Variants in CHORDC1 observed in about 807,000 individuals in gnomAD.
The protein encoded by CHORDC1 is cysteine and histidine-rich domain-containing protein 1.
Under a neutral mutation model 48.3 loss-of-function variants are expected in CHORDC1, and 25 were observed. The ratio of observed to expected loss-of-function variants is 0.52; its 90% CI spans 0.38 to 0.72. The LOEUF (loss-of-function observed/expected upper bound fraction) is 0.72. CHORDC1 is among the 30% of genes least tolerant of loss of function. The pLI is 0.00. For synonymous variants in CHORDC1, 128 were observed against 126.4 expected, an observed-to-expected ratio of 1.01 and a Z score of -0.09; for missense variants, 317 against 388.7, an observed-to-expected ratio of 0.82 and a Z score of 1.55.
intron 2 of CHORDC1, among the ~76,000 whole-genome samples, chr11:90,216,207 G>C (rs925057456): frequency 8.6e-5 from 13 of 152,026 alleles, no homozygotes; most frequent in Non-Finnish European, 1.5e-4. Context: ...AAGTTTTACT[G>C]TCTTAATCAT....
At chr11:90,222,778 C>A (rs748694348) in intron 1 of CHORDC1, 113 bp downstream of exon 1, 35 of 996,010 alleles carry the variant, frequency 3.5e-5, no homozygotes, top group African/African-American at 2.7e-4. Context: ...GGGGCATGGA[C>A]CTGGGGCCGC....
chr11:90,212,883 A>G (rs1857909585), intron 4 of CHORDC1: 2 of 152,046 alleles, frequency 1.3e-5, no homozygotes, highest in Non-Finnish European at 1.5e-5. Flanking sequence ...TAGGCTTCTC[A>G]AAGTGCTGGA....
chr11:90,221,081 C>CCA (rs1368330152), intron 1 of CHORDC1, among the ~76,000 whole-genome samples: 2 of 151,810 alleles, frequency 1.3e-5, no homozygotes, highest in Non-Finnish European at 2.9e-5. Flanking sequence ...GGTAATTATG[C>CCA]CACAGCACCG....
chr11:90,217,895 CAAAAAA>C (rs71055891), intron 2 of CHORDC1: 3 of 176,158 alleles, frequency 1.7e-5, no homozygotes, highest in Admixed American at 7.3e-5. Context: ...AACTCCATCT[CAAAAAA>C]AAAAAAAAAA....
At position 90,206,831 on chromosome 11, in the gene CHORDC1, A is replaced by G. The variant is rs772339569; in HGVS notation, c.493-559T>C. 1.5e-5 allele frequency: 18 copies of G among 1,215,012 alleles called. No individual in the cohort carries two copies. The South Asian group carries it at 2.2e-4, about 15-fold the overall frequency. 75.3% of individuals were successfully genotyped at this position (1,215,012 alleles called of 1,614,324 possible). ...AGGCTCTACAGATGAATTCACAAAA[A>G]ATTATGTTAATAAAACATGGATGTA... On this transcript the variant is annotated intron_variant, in intron 6 of 10. Coordinates refer to ENST00000320585, the MANE Select transcript of CHORDC1 (RefSeq NM_012124.3).
In CHORDC1 at chr11:90,216,280, C is replaced by T. The variant is rs76799311; in HGVS notation, c.115-1050G>A. 2.0e-3 allele frequency among the ~76,000 whole-genome samples: 308 copies of T among 152,148 alleles called. 1 individual carries two copies. The highest frequency in any genetic ancestry group is 5.8e-3 in the African/African-American group (242 of 41,528). On this transcript the variant is annotated intron_variant, in intron 2 of 10. Transcript: ENST00000320585. ...AAAATACAATACAGGCCAGCTGTTC[C>T]CAAATGCCAATCTGGATTCTATGCT...
chr11:90,206,646 G>GT, intron 6 of CHORDC1: 2 of 464,566 alleles, frequency 4.3e-6, no homozygotes, highest in East Asian at 1.4e-4. Flanking sequence ...TAAACTCCAT[G>GT]TAAGTATTGT....
intron 1 of CHORDC1, among the ~76,000 whole-genome samples, chr11:90,221,063 A>G (rs1047557763): frequency 1.3e-5 from 2 of 152,192 alleles, no homozygotes; most frequent in Non-Finnish European, 2.9e-5. Context: ...CTATAAGTCA[A>G]CGAGCACGGT....
intron 6 of CHORDC1, chr11:90,207,768 A>AC (rs966800668): frequency 6.7e-6 from 1 of 148,338 alleles, no homozygotes; most frequent in African/African-American, 2.4e-5. Context: ...ATACAAAAAA[A>AC]AAAAAAAAAA....
At chr11:90,207,759 T>TAAAAAAAAAAA (rs1857736256) in intron 6 of CHORDC1, 1 of 3,350 alleles carries the variant, frequency 3.0e-4, no homozygotes, top group East Asian at 8.6e-3. Flanking sequence ...ATGGTTAAAA[T>TAAAAAAAAAAA]ACAAAAAAAA....
At chr11:90,209,382 T>C (rs1431986770) in intron 6 of CHORDC1, 1 of 152,108 alleles carries the variant, frequency 6.6e-6, no homozygotes, top group Non-Finnish European at 1.5e-5. Context: ...GATAATACCA[T>C]TGTTAAGTCA....
At chr11:90,220,891 G>A (rs746081998) in intron 1 of CHORDC1, among the ~76,000 whole-genome samples, 4 of 151,900 alleles carry the variant, frequency 2.6e-5, no homozygotes, top group Non-Finnish European at 5.9e-5. Flanking sequence ...AAAAAATACC[G>A]TTTGTGAAGC....
At chr11:90,205,294 C>T (rs938013658) in intron 8 of CHORDC1, among the ~76,000 whole-genome samples, 166 bp downstream of exon 8, 1 of 152,310 alleles carries the variant, frequency 6.6e-6, no homozygotes, top group Admixed American at 6.5e-5. Flanking sequence ...AGGCAGTACA[C>T]TGGCAGCTTG....
chr11:90,209,954 G>T (rs931036722), intron 6 of CHORDC1, among the ~76,000 whole-genome samples: 4 of 152,058 alleles, frequency 2.6e-5, no homozygotes, highest in African/African-American at 7.3e-5. Flanking sequence ...CCATAATTCT[G>T]TCTACCTGTC....
At chr11:90,203,578 G>A (rs1857594789) in intron 8 of CHORDC1, 151 bp from the exon 9 acceptor site, 1 of 555,818 alleles carries the variant, frequency 1.8e-6, no homozygotes, top group Non-Finnish European at 3.0e-6. Flanking sequence ...TTTCCCAAGA[G>A]GCTTAAACAA....
At position 90,222,707 on chromosome 11, in the gene CHORDC1, G is replaced by A. The variant is rs1033377462; in HGVS notation, c.64+184C>T. On this transcript the variant is annotated intron_variant, in intron 1 of 10. Transcript: ENST00000320585. ...CGCCGGGGCCGGGCGCTCGCCAAGG[G>A]AACGCGGCGCAACAGAGGGGCGGCC... The A allele has an allele frequency of 1.4e-5, 10 of 712,538 alleles. 2 individuals are homozygous for A. The Admixed American group carries it at 1.6e-4, about 12-fold the overall frequency. The allele number at this position is 712,538 out of a possible 1,614,324, so 44.1% of individuals were successfully genotyped here.
intron 1 of CHORDC1, among the ~76,000 whole-genome samples, chr11:90,218,838 G>C (rs868560511): frequency 2.0e-5 from 3 of 152,104 alleles, no homozygotes; most frequent in African/African-American, 7.2e-5. Context: ...TGTCTGGAAA[G>C]TGAGGAGCAC....
intron 6 of CHORDC1, chr11:90,206,960 G>A: frequency 2.9e-6 from 1 of 349,120 alleles, no homozygotes; most frequent in African/African-American, 2.1e-5. Flanking sequence ...TATTAGATGT[G>A]TATTTCTCCT....
intron 1 of CHORDC1, 168 bp downstream of exon 1, chr11:90,222,723 A>G (rs759667917): frequency 5.5e-6 from 4 of 724,022 alleles, no homozygotes; most frequent in Admixed American, 2.1e-5. Context: ...GGCGCAACAG[A>G]GGGGCGGCCG....
Sources: allele counts gnomAD v4.1 joint callset (sites outside exome capture counted in the v4.1 genomes callset), GRCh38; gene constraint gnomAD v4.1.1; transcripts MANE v1.5; gene names NCBI Gene and HGNC (gene_info 2026-07-23, HGNC 2026-07-21).